Variants in FAM110B observed in about 807,000 individuals in gnomAD.
The protein encoded by FAM110B is family with sequence similarity 110 member B, also known as protein FAM110B.
Under a neutral mutation model 20.4 loss-of-function variants are expected in FAM110B, and 6 were observed. The observed-to-expected ratio is 0.29, with a 90% CI of 0.16 to 0.58. The LOEUF (loss-of-function observed/expected upper bound fraction) is 0.58, where lower values mean the gene tolerates loss of function less well. Ranked by LOEUF, FAM110B falls within the 20% of genes least tolerant of loss-of-function variation. The pLI, the probability that FAM110B is intolerant of heterozygous loss-of-function variation, is 0.90. For synonymous variants in FAM110B, 226 were observed against 214.1 expected (o/e 1.06, Z -0.49); for missense variants, 434 against 498.2 (o/e 0.87, Z 1.23).
intron 2 of FAM110B, among the ~76,000 whole-genome samples, chr8:58,040,164 A>C (rs11780747): frequency 0.07 from 10,605 of 151,612 alleles, 471 homozygotes; most frequent in East Asian, 0.17. Flanking sequence ...CACCTCAGCA[A>C]TTTTTGAGTG....
At chr8:58,085,137 T>C (rs1806300698) in intron 3 of FAM110B, among the ~76,000 whole-genome samples, 1 of 152,228 alleles carries the variant, frequency 6.6e-6, no homozygotes, top group Admixed American at 6.5e-5. Context: ...CAGCATTCCA[T>C]GCTGTATTGG....
chr8:58,066,122 C>G (rs1805755378), intron 2 of FAM110B, among the ~76,000 whole-genome samples: 1 of 152,100 alleles, frequency 6.6e-6, no homozygotes, highest in South Asian at 2.1e-4. Context: ...CCCCCTTCAC[C>G]AGTACTATAA....
rs949738831 is a variant in FAM110B, at chr8:58,051,681, A to C, written c.-414+19978A>C. Among the ~76,000 whole-genome samples the C allele has an allele frequency of 5.9e-5, 9 of 152,308 alleles. No individual in the cohort carries two copies. The East Asian group carries it at 1.7e-3, about 29-fold the overall frequency. On this transcript the variant is annotated intron_variant, in intron 2 of 3. Transcript: ENST00000519262. ...CATATTTGGCATTTCAAATGGTAAA[A>C]AGTACTATGGAGGAAGATAAAGCAG...
intron 1 of FAM110B, among the ~76,000 whole-genome samples, chr8:57,998,549 AT>A (rs751806819): frequency 6.6e-6 from 1 of 152,306 alleles, no homozygotes; most frequent in Admixed American, 6.5e-5. Context: ...TTTAATGTTG[AT>A]TTTTTTGTAC....
chr8:58,000,821 G>C (rs1180254708), intron 1 of FAM110B, among the ~76,000 whole-genome samples: 1 of 151,842 alleles, frequency 6.6e-6, no homozygotes, highest in African/African-American at 2.4e-5. Context: ...TGTGAGTTGG[G>C]GATTTAAAAA....
At chr8:58,065,933 C>G (rs1009796058) in intron 2 of FAM110B, among the ~76,000 whole-genome samples, 5 of 152,108 alleles carry the variant, frequency 3.3e-5, no homozygotes, top group Non-Finnish European at 5.9e-5. Context: ...TACTCCTCAT[C>G]CTGACACAGC....
chr8:58,112,691 T>A (rs1238374500), intron 3 of FAM110B, among the ~76,000 whole-genome samples: 1 of 152,242 alleles, frequency 6.6e-6, no homozygotes, highest in Non-Finnish European at 1.5e-5. Context: ...GTGCTGGTTC[T>A]CATTAATAGC....
At chr8:58,033,714 G>A (rs1005662165) in intron 2 of FAM110B, among the ~76,000 whole-genome samples, 15 of 151,784 alleles carry the variant, frequency 9.9e-5, no homozygotes, top group African/African-American at 2.7e-4. Flanking sequence ...CCACAACAAG[G>A]TACCATCTCA....
In FAM110B at chr8:58,119,826, C is replaced by T. The variant is rs373745353; in HGVS notation, c.-324-26081C>T. Among the ~76,000 whole-genome samples, 41 of 152,300 alleles carry T rather than the reference C, an allele frequency of 2.7e-4. 1 individual carries two copies. The South Asian group carries it at 4.1e-3, about 15-fold the overall frequency. On this transcript the variant is annotated intron_variant, in intron 3 of 3. Transcript: ENST00000519262. Reference sequence around the variant, plus strand: ...TGACTGCACTCGGCATGCCGCTAAGCGCTCTCTTCAGATTATCTCATTCTA... The same window carrying T: ...TGACTGCACTCGGCATGCCGCTAAGTGCTCTCTTCAGATTATCTCATTCTA...
intron 3 of FAM110B, among the ~76,000 whole-genome samples, chr8:58,139,083 AAC>A (rs1803685460): frequency 6.6e-6 from 1 of 152,246 alleles, no homozygotes; most frequent in African/African-American, 2.4e-5. Context: ...AAATAATGGA[AAC>A]ACAGAGCAAG....
chr8:58,109,280 C>G (rs1806995996), intron 3 of FAM110B, among the ~76,000 whole-genome samples: 1 of 152,092 alleles, frequency 6.6e-6, no homozygotes, highest in Admixed American at 6.5e-5. Context: ...CAATTACCAA[C>G]TAGCTGCAGA....
intron 3 of FAM110B, among the ~76,000 whole-genome samples, chr8:58,134,669 G>C (rs1227232651): frequency 6.6e-6 from 1 of 152,216 alleles, no homozygotes; most frequent in Non-Finnish European, 1.5e-5. Flanking sequence ...GCTCTGTGCA[G>C]TAAGATAGAA....
At chr8:58,054,950 T>G (rs1237681825) in intron 2 of FAM110B, among the ~76,000 whole-genome samples, 6 of 152,160 alleles carry the variant, frequency 3.9e-5, no homozygotes, top group Non-Finnish European at 5.9e-5. Context: ...AAACAGCTGT[T>G]TAGTATTGAA....
At chr8:58,035,066 G>A (rs1449306308) in intron 2 of FAM110B, among the ~76,000 whole-genome samples, 1 of 152,130 alleles carries the variant, frequency 6.6e-6, no homozygotes, top group Non-Finnish European at 1.5e-5. Context: ...CAAGAGTTAT[G>A]TGTCCAAAAA....
At chr8:58,037,100 G>A (rs1805089576) in intron 2 of FAM110B, among the ~76,000 whole-genome samples, 3 of 151,506 alleles carry the variant, frequency 2.0e-5, no homozygotes, top group South Asian at 2.1e-4. Context: ...GACCCTTCAT[G>A]TATTAATGCC....
chr8:58,042,652 A>G (rs78043279), intron 2 of FAM110B, among the ~76,000 whole-genome samples: 3,571 of 152,312 alleles, frequency 0.023, 158 homozygotes, highest in African/African-American at 0.082. Context: ...GCGCTTTTCT[A>G]GAATTGCTAG....
intron 3 of FAM110B, among the ~76,000 whole-genome samples, chr8:58,120,226 A>T (rs1807323529): frequency 1.3e-5 from 2 of 152,100 alleles, no homozygotes; most frequent in African/African-American, 4.8e-5. Flanking sequence ...TCTTAATGAG[A>T]TTGCTTTAGG....
At chr8:58,127,745 TA>T (rs1468446188) in intron 3 of FAM110B, among the ~76,000 whole-genome samples, 1 of 152,016 alleles carries the variant, frequency 6.6e-6, no homozygotes, top group Non-Finnish European at 1.5e-5. Flanking sequence ...ATAAATCTAA[TA>T]AAACACATCT....
chr8:58,047,834 G>A (rs927300251), intron 2 of FAM110B, among the ~76,000 whole-genome samples: 1 of 151,950 alleles, frequency 6.6e-6, no homozygotes, highest in Non-Finnish European at 1.5e-5. Flanking sequence ...TTAAAAAATA[G>A]CTTCTTTATG....
Sources: allele counts gnomAD v4.1 joint callset (sites outside exome capture counted in the v4.1 genomes callset), GRCh38; gene constraint gnomAD v4.1.1; transcripts MANE v1.5; gene names NCBI Gene and HGNC (gene_info 2026-07-23, HGNC 2026-07-21).